Variants in MAF observed in about 807,000 individuals in gnomAD.
MAF encodes the protein transcription factor Maf.
Under a neutral mutation model 22.0 loss-of-function variants are expected in MAF, and 10 were observed. That is an observed-to-expected ratio of 0.45 (90% confidence interval 0.28 to 0.77). MAF has a LOEUF of 0.77. Among genes scored for constraint, MAF ranks in the 30% least tolerant of loss-of-function variants. MAF has a pLI of 0.12. For synonymous variants in MAF, 337 were observed against 255.8 expected (o/e 1.32, Z -3.03); for missense variants, 544 against 548.4 (o/e 0.99, Z 0.08).
chr16:79,436,242 CCAGCTAA>C, the MAF span, among the ~76,000 whole-genome samples: 1 of 152,076 alleles, frequency 6.6e-6, no homozygotes, highest in South Asian at 2.1e-4. Context: ...ACCACCACAC[CCAGCTAA>C]GTTTTGTATT....
chr16:79,291,790 A>C, the MAF span, among the ~76,000 whole-genome samples: 2 of 147,076 alleles, frequency 1.4e-5, no homozygotes, highest in Non-Finnish European at 3.0e-5. Flanking sequence ...AGATGGTAGG[A>C]ACTGAGCTAG....
At chr16:79,246,635 G>A in the MAF span, among the ~76,000 whole-genome samples, 1 of 152,024 alleles carries the variant, frequency 6.6e-6, no homozygotes, top group East Asian at 1.9e-4. Context: ...ATGGGATAGA[G>A]AATCAAATTT....
At chr16:79,311,112 C>T in the MAF span, among the ~76,000 whole-genome samples, 18 of 151,970 alleles carry the variant, frequency 1.2e-4, no homozygotes, top group African/African-American at 4.3e-4. Flanking sequence ...GCTTCTTAAC[C>T]TGGATTTCTA....
At chr16:79,526,224 A>G in the MAF span, among the ~76,000 whole-genome samples, 1 of 151,974 alleles carries the variant, frequency 6.6e-6, no homozygotes, top group African/African-American at 2.4e-5. Context: ...TTTTCCATGG[A>G]TGGGTGTTGA....
At chr16:79,305,363 C>A in the MAF span, among the ~76,000 whole-genome samples, 1 of 152,200 alleles carries the variant, frequency 6.6e-6, no homozygotes, top group Non-Finnish European at 1.5e-5. Context: ...TATTGCTGCT[C>A]CAGTCCCAAC....
chr16:79,246,154 T>G, the MAF span, among the ~76,000 whole-genome samples: 1 of 152,224 alleles, frequency 6.6e-6, no homozygotes, highest in African/African-American at 2.4e-5. Context: ...CGTGTATACC[T>G]GTGGAACAAA....
the MAF span, among the ~76,000 whole-genome samples, chr16:79,283,967 C>CAAAAAA: frequency 1.7e-5 from 2 of 115,570 alleles, no homozygotes; most frequent in African/African-American, 3.4e-5. Context: ...ACCTCCTCCT[C>CAAAAAA]AAAAAAAAAA....
chr16:79,584,374 C>T (rs780674272), downstream of MAF, among the ~76,000 whole-genome samples: 1 of 152,188 alleles, frequency 6.6e-6, no homozygotes, highest in African/African-American at 2.4e-5. Flanking sequence ...TCTAATATCA[C>T]GGAGTAACTT....
chr16:79,489,476 G>A, the MAF span, among the ~76,000 whole-genome samples: 1 of 152,222 alleles, frequency 6.6e-6, no homozygotes, highest in Non-Finnish European at 1.5e-5. Flanking sequence ...TTCTCAGAAA[G>A]AGAGCAGACA....
the MAF span, among the ~76,000 whole-genome samples, chr16:79,297,474 C>T: frequency 1.3e-5 from 2 of 152,104 alleles, no homozygotes; most frequent in Non-Finnish European, 2.9e-5. Context: ...AGACTGTGAA[C>T]GAGGAAGTAG....
At chr16:79,415,247 T>C in the MAF span, among the ~76,000 whole-genome samples, 20 of 142,404 alleles carry the variant, frequency 1.4e-4, no homozygotes, top group Non-Finnish European at 2.9e-4. Flanking sequence ...CAACAAATTT[T>C]AGAGACAGAA....
At chr16:79,567,322 A>C in the MAF span, among the ~76,000 whole-genome samples, 1 of 69,554 alleles carries the variant, frequency 1.4e-5, no homozygotes, top group African/African-American at 5.5e-5. Context: ...CCACCTCAGA[A>C]AAAAAAAAAT....
In MAF at chr16:79,600,095, C is replaced by T. The variant is rs1234942831; in HGVS notation, c.-193G>A. 4.8e-6 allele frequency: 3 copies of T among 627,368 alleles called. No homozygotes were observed. Among genetic ancestry groups the T allele is most frequent in the African/African-American group, 2.0e-5 (1 of 50,610 alleles). The allele number at this position is 627,368 out of a possible 1,614,324, so 38.9% of individuals were successfully genotyped here. On this transcript the variant is annotated 5_prime_UTR_variant, in exon 1 of 2. Transcript: ENST00000326043. The stretch of plus-strand genomic sequence containing the variant: ...ACACCCCCCCGCCCTGCCCGCGCCC[C>T]CCGCGCCCGCCCTCCCTCCCCCCTG...
chr16:79,362,030 C>T, the MAF span, among the ~76,000 whole-genome samples: 5 of 152,170 alleles, frequency 3.3e-5, no homozygotes, highest in Non-Finnish European at 7.3e-5. Flanking sequence ...GGAAGGTGGG[C>T]TCTGAAATAA....
the MAF span, among the ~76,000 whole-genome samples, chr16:79,539,095 T>A: frequency 6.6e-6 from 1 of 152,234 alleles, no homozygotes; most frequent in African/African-American, 2.4e-5. Context: ...GAAAGTTTTG[T>A]AAAATGAATA....
the MAF span, among the ~76,000 whole-genome samples, chr16:79,397,205 A>G: frequency 8.5e-5 from 13 of 152,320 alleles, no homozygotes; most frequent in South Asian, 1.5e-3. Context: ...TCCTTTGGCA[A>G]TCTGTGTCTT....
At chr16:79,323,470 A>T in the MAF span, among the ~76,000 whole-genome samples, 1 of 152,196 alleles carries the variant, frequency 6.6e-6, no homozygotes, top group East Asian at 1.9e-4. Flanking sequence ...CAGACAAATT[A>T]AAAAGATTAA....
the MAF span, among the ~76,000 whole-genome samples, chr16:79,428,606 G>C: frequency 6.6e-6 from 1 of 152,054 alleles, no homozygotes; most frequent in African/African-American, 2.4e-5. Context: ...TTGGGAGGCC[G>C]AGGCAGGTGG....
chr16:79,550,556 T>G, the MAF span, among the ~76,000 whole-genome samples: 1 of 152,144 alleles, frequency 6.6e-6, no homozygotes, highest in Non-Finnish European at 1.5e-5. Flanking sequence ...AGAAGCTAGC[T>G]GAGCATTGTC....
Sources: gnomAD v4.1 joint callset for allele counts (sites outside exome capture counted in the v4.1 genomes callset) on GRCh38, gnomAD v4.1.1 for gene constraint, MANE v1.5 for transcripts, NCBI Gene and HGNC (gene_info 2026-07-23, HGNC 2026-07-21) for gene names.